Variants in HECW1 observed in about 807,000 individuals in gnomAD.
The protein encoded by HECW1 is E3 ubiquitin-protein ligase HECW1.
In HECW1, 61 loss-of-function variants were observed where a neutral mutation model predicts 182.3. The observed-to-expected ratio is 0.33, with a 90% CI of 0.27 to 0.41. The LOEUF (loss-of-function observed/expected upper bound fraction) is 0.41, where lower values mean the gene tolerates loss of function less well. Among genes scored for constraint, HECW1 ranks in the 10% least tolerant of loss-of-function variants. The probability of loss-of-function intolerance (pLI) is 1.00; values close to 1 mark genes in which losing one functional copy is unlikely to be tolerated. For synonymous variants in HECW1, 859 were observed against 832.6 expected (o/e 1.03, Z -0.55); for missense variants, 1,739 against 2,108.9 (o/e 0.82, Z 3.44).
intron 5 of HECW1, among the ~76,000 whole-genome samples, chr7:43,355,610 A>G (rs1165190022): frequency 1.3e-5 from 2 of 151,892 alleles, no homozygotes; most frequent in Admixed American, 6.5e-5. Context: ...TTCACTAAAA[A>G]TAAAAAGCAA....
intron 2 of HECW1, among the ~76,000 whole-genome samples, chr7:43,140,563 C>A (rs953668121): frequency 1.3e-5 from 2 of 152,120 alleles, no homozygotes; most frequent in African/African-American, 4.8e-5. Flanking sequence ...TCTTTTGTTA[C>A]TTTTTGAAGG....
At position 43,537,117 on chromosome 7, in the gene HECW1, G is replaced by A. The variant is rs772838974; in HGVS notation, c.4020-4046G>A. On this transcript the variant is annotated intron_variant, in intron 24 of 29. Coordinates refer to ENST00000395891, the MANE Select transcript of HECW1 (RefSeq NM_015052.5). ...GCAGGGGTGGCCTGCAACATCGGTC[G>A]AGACTCCTGAGATCCATGGAGAGAA... 3.2e-4 allele frequency among the ~76,000 whole-genome samples: 49 copies of A among 152,282 alleles called. 1 individual carries two copies. Among genetic ancestry groups the A allele is most frequent in the Admixed American group, 3.9e-4 (6 of 15,306 alleles).
chr7:43,255,027 A>G (rs949777537), intron 3 of HECW1, among the ~76,000 whole-genome samples: 10 of 152,210 alleles, frequency 6.6e-5, no homozygotes, highest in Non-Finnish European at 2.9e-5. Flanking sequence ...CCAGTGATCC[A>G]TAATTACAAG....
rs371439876 is a variant in HECW1 at position 43,438,106 on chromosome 7, C to T, written c.905C>T (p.Ser302Leu). 18 of 1,613,936 alleles carry T rather than the reference C, an allele frequency of 1.1e-5. No homozygotes were observed. The highest frequency in any genetic ancestry group is 1.7e-5 in the Admixed American group (1 of 59,992). Residue 302 changes from serine (S) to leucine (L), a missense_variant, in exon 9 of 30, where the codon TCG (serine) becomes TTG (leucine). Around this residue, in one of 5 missense-constraint regions of HECW1, gnomAD observed 66 missense variants for 113.8 expected, o/e 0.58. Transcript: ENST00000395891. ...ATCAAGCGCTTCTTGGGAAAGCTGT[C>T]GATGCCCGTTCAAAGACTCCTGGAG... ...PIIKRFLGKLSMPVQRLLERH... is the reference protein window; with the variant it reads ...PIIKRFLGKLLMPVQRLLERH...
At chr7:43,139,038 A>T (rs1446852264) in intron 2 of HECW1, among the ~76,000 whole-genome samples, 2 of 152,168 alleles carry the variant, frequency 1.3e-5, no homozygotes, top group Non-Finnish European at 2.9e-5. Context: ...CATTGTTTTA[A>T]CAAGGCGTTT....
chr7:43,493,162 C>T lies in HECW1; in HGVS notation c.3419C>T (p.Ala1140Val), dbSNP rs1439254100. ...CTGCAAGAGCGTCAGCCAAGCTTAG[C>T]AAGAAACCACACACTCAGGTAAGCC... The part of the protein sequence containing the change: ...EMLQERQPSL[A>V]RNHTLREKIH... The change falls in exon 19 of 30, where the codon GCA becomes GTA. Residue 1140 changes from alanine to valine, a missense_variant. Ala to Val is a moderately conservative substitution (Grantham distance 64). Coordinates refer to ENST00000395891, the MANE Select transcript of HECW1 (RefSeq NM_015052.5). The T allele has an allele frequency of 2.5e-6, 4 of 1,612,884 alleles. No individual in the cohort carries two copies. The Admixed American group carries it at 5.0e-5, about 20-fold the overall frequency.
intron 5 of HECW1, 102 bp downstream of exon 5, chr7:43,320,844 G>C (rs1436951064): frequency 2.4e-6 from 2 of 846,768 alleles, no homozygotes; most frequent in African/African-American, 1.7e-5. Flanking sequence ...TAAGAAATGG[G>C]CCCTCTAAAA....
At chr7:43,248,599 A>G (rs569458852) in intron 3 of HECW1, 7 of 152,656 alleles carry the variant, frequency 4.6e-5, no homozygotes, top group African/African-American at 1.7e-4. Flanking sequence ...ACCAACAGAA[A>G]ATCAGGACAT....
intron 2 of HECW1, among the ~76,000 whole-genome samples, chr7:43,177,494 C>T (rs1057417937): frequency 2.6e-5 from 4 of 152,164 alleles, no homozygotes; most frequent in African/African-American, 7.2e-5. Context: ...TCATCTTTCC[C>T]GTGCTGTCTT....
chr7:43,519,852 C>A (rs2080369179), intron 24 of HECW1, among the ~76,000 whole-genome samples: 1 of 151,958 alleles, frequency 6.6e-6, no homozygotes, highest in South Asian at 2.1e-4. Context: ...GTGTATGTAG[C>A]TAGAGATATG....
chr7:43,487,849 T>C (rs1328906277), intron 17 of HECW1, among the ~76,000 whole-genome samples: 1 of 151,944 alleles, frequency 6.6e-6, no homozygotes, highest in Non-Finnish European at 1.5e-5. Flanking sequence ...GTCCCTGCTA[T>C]TCAGGAGGCT....
chr7:43,531,406 TG>T (rs2080983708), intron 24 of HECW1, among the ~76,000 whole-genome samples: 1 of 152,206 alleles, frequency 6.6e-6, no homozygotes. Context: ...TCAAAATGAA[TG>T]AGTACCTTAG....
chr7:43,223,343 C>A lies in HECW1; in HGVS notation c.-31-20532C>A, dbSNP rs535130362. 3.9e-5 allele frequency among the ~76,000 whole-genome samples: 6 copies of A among 152,318 alleles called. No individual in the cohort carries two copies. The East Asian group carries it at 9.7e-4, about 25-fold the overall frequency. On this transcript the variant is annotated intron_variant, in intron 2 of 29. Coordinates refer to ENST00000395891, the MANE Select transcript of HECW1 (RefSeq NM_015052.5). ...CATTAAAACATTTGTCAAGGCCAGG[C>A]GCCATGGCTCACGCCTGTAATCCCA...
chr7:43,355,335 G>A (rs920072365), intron 5 of HECW1, among the ~76,000 whole-genome samples: 3 of 152,164 alleles, frequency 2.0e-5, no homozygotes, highest in African/African-American at 4.8e-5. Context: ...CTAGTAGGAA[G>A]CCCAAAAGAT....
At chr7:43,177,435 T>G (rs1037430158) in intron 2 of HECW1, among the ~76,000 whole-genome samples, 1 of 152,200 alleles carries the variant, frequency 6.6e-6, no homozygotes, top group East Asian at 1.9e-4. Flanking sequence ...CCCAGGGCAG[T>G]CTGGACTGAG....
intron 2 of HECW1, among the ~76,000 whole-genome samples, chr7:43,188,750 C>G (rs935623572): frequency 6.6e-6 from 1 of 152,172 alleles, no homozygotes; most frequent in Non-Finnish European, 1.5e-5. Context: ...CTCCTGCCCC[C>G]GTGCCATATC....
intron 7 of HECW1, among the ~76,000 whole-genome samples, chr7:43,406,321 G>A (rs1465832113): frequency 2.0e-5 from 3 of 152,144 alleles, no homozygotes; most frequent in Non-Finnish European, 4.4e-5. Context: ...CAACTCCTTT[G>A]GCATTTGGTG....
At chr7:43,290,536 G>A (rs535918136) in intron 3 of HECW1, among the ~76,000 whole-genome samples, 6 of 152,314 alleles carry the variant, frequency 3.9e-5, no homozygotes, top group Middle Eastern at 3.4e-3. Flanking sequence ...GGGGTATAAC[G>A]AGGCATGTCT....
chr7:43,351,971 A>ACAG (rs1180647613), intron 5 of HECW1, among the ~76,000 whole-genome samples: 8 of 152,102 alleles, frequency 5.3e-5, no homozygotes, highest in African/African-American at 1.9e-4. Flanking sequence ...GAATTACCAG[A>ACAG]GCTTTCCTTT....
Sources: allele counts gnomAD v4.1 joint callset (sites outside exome capture counted in the v4.1 genomes callset), GRCh38; gene constraint gnomAD v4.1.1; regional missense constraint gnomAD v4.1.1; transcripts MANE v1.5; gene names NCBI Gene and HGNC (gene_info 2026-07-23, HGNC 2026-07-21).